RBM12: variants seen among roughly 807,000 people sequenced by gnomAD.
RBM12 encodes the protein RNA binding motif protein 12.
In RBM12, 24 loss-of-function variants were observed where a neutral mutation model predicts 37.2. The observed-to-expected ratio is 0.65, with a 90% CI of 0.47 to 0.91. RBM12 has a LOEUF of 0.91. Among genes scored for constraint, RBM12 ranks in the 40% least tolerant of loss-of-function variants. The pLI is 0.00. For synonymous variants in RBM12, 420 were observed against 425.2 expected (o/e 0.99, Z 0.15); for missense variants, 1,061 against 1,183.2 (o/e 0.90, Z 1.52).
intron 1 of RBM12, among the ~76,000 whole-genome samples, chr20:35,661,112 C>T (rs2034209155): frequency 6.6e-6 from 1 of 152,138 alleles, no homozygotes; most frequent in Non-Finnish European, 1.5e-5. Context: ...AAGAGGAATA[C>T]CCACCCCACC....
intron 2 of RBM12, 80 bp downstream of exon 2, chr20:35,658,850 T>C (rs989287625): frequency 9.2e-5 from 63 of 688,270 alleles, no homozygotes; most frequent in Non-Finnish European, 1.6e-4. Context: ...ATATAGTTGC[T>C]ACATATATTT....
At position 35,653,458 on chromosome 20, in the gene RBM12, T is replaced by C. The variant is rs1294979016; in HGVS notation, c.1865A>G (p.Glu622Gly). ...ATTTTTCTCAATCTCTCTCATATCT[T>C]CTAGGGTAACTACATGAACAAAAGC... The part of the protein sequence containing the change: ...REAFVHVVTL[E>G]DMREIEKNPP... The change falls in exon 3 of 3, where the codon GAA (glutamate) becomes GGA (glycine). Residue 622 changes from glutamate (E) to glycine (G), a missense_variant. This residue lies in a region of RBM12 where 517 missense variants were observed against 534.0 expected (regional missense o/e 0.97). Coordinates refer to ENST00000374114, the MANE Select transcript of RBM12 (RefSeq NM_006047.6). 6.2e-7 allele frequency: 1 copy of C among 1,614,176 alleles called. No individual in the cohort carries two copies. The highest frequency in any genetic ancestry group is 8.5e-7 in the Non-Finnish European group (1 of 1,180,016).
Position 35,652,333 on chromosome 20 carries a change from A to G in RBM12, c.*191T>C, listed in dbSNP as rs934937485. ...TGTTCTCTCCAGATAGCTTTACTGTAACATACAGCAATGTTTATCCTGGTG... is the reference window on the plus strand; with the variant it reads ...TGTTCTCTCCAGATAGCTTTACTGTGACATACAGCAATGTTTATCCTGGTG... On this transcript the variant is annotated 3_prime_UTR_variant, in exon 3 of 3. Coordinates refer to ENST00000374114, the MANE Select transcript of RBM12 (RefSeq NM_006047.6). The G allele has an allele frequency of 9.7e-6, 6 of 620,316 alleles. No homozygotes were observed. The East Asian group carries it at 1.4e-4, about 15-fold the overall frequency. 38.4% of individuals were successfully genotyped at this position (620,316 alleles called of 1,614,324 possible).
intron 2 of RBM12, among the ~76,000 whole-genome samples, chr20:35,656,332 T>C (rs1172021659): frequency 6.6e-6 from 1 of 152,242 alleles, no homozygotes; most frequent in Non-Finnish European, 1.5e-5. Context: ...CCTTAGATCA[T>C]GCCTGTTTTG....
Position 35,653,395 on chromosome 20 carries a change from A to C in RBM12, c.1928T>G (p.Val643Gly), listed in dbSNP as rs2033677036. 1 of 1,614,046 alleles carries C rather than the reference A, an allele frequency of 6.2e-7. No individual in the cohort carries two copies. The change falls in exon 3 of 3, where the codon GTG becomes GGG. Residue 643 changes from valine to glycine, a missense_variant. Transcript: ENST00000374114. ...TCCTGGAACTGCAGGATTACCTGGC[A>C]CAGGCATCTTTAATCCCTTTTTTCC... ...AQGKKGLKMPVPGNPAVPGMP... is the reference protein window; with the variant it reads ...AQGKKGLKMPGPGNPAVPGMP...
chr20:35,656,570 T>C (rs2033908550), intron 2 of RBM12, among the ~76,000 whole-genome samples: 1 of 152,228 alleles, frequency 6.6e-6, no homozygotes, highest in Admixed American at 6.5e-5. Flanking sequence ...GTTTCACTCT[T>C]GTAGCCCAGG....
chr20:35,659,868 G>C (rs1374489982), intron 1 of RBM12, among the ~76,000 whole-genome samples: 1 of 151,646 alleles, frequency 6.6e-6, no homozygotes, highest in African/African-American at 2.4e-5. Flanking sequence ...TTTTTCAAAG[G>C]TCATGTTTTA....
At chr20:35,662,545 C>T (rs1215781482) in intron 1 of RBM12, among the ~76,000 whole-genome samples, 1 of 152,218 alleles carries the variant, frequency 6.6e-6, no homozygotes. Flanking sequence ...CATCATCAGT[C>T]TCTGCATTTT....
chr20:35,652,811 T>A lies in RBM12; in HGVS notation c.2512A>T (p.Ile838Phe), dbSNP rs371961881. The part of the protein sequence containing the change: ...GPGPGPGPGP[I>F]HIGGPPGFAS... ...AAGCCAGGGGGACCACCAATATGGA[T>A]TGGGCCAGGGCCGGGGCCGGGGCCG... Residue 838 changes from isoleucine to phenylalanine, a missense_variant, in exon 3 of 3, where the codon ATC (isoleucine) becomes TTC (phenylalanine). Physicochemically the swap from Ile to Phe is conservative, Grantham distance 21. Coordinates refer to ENST00000374114, the MANE Select transcript of RBM12 (RefSeq NM_006047.6). 6.3e-7 allele frequency: 1 copy of A among 1,590,094 alleles called. No homozygotes were observed. The highest frequency in any genetic ancestry group is 2.2e-5 in the East Asian group (1 of 44,848).
At position 35,652,824 on chromosome 20, in the gene RBM12, G is replaced by A. The variant is rs191138663; in HGVS notation, c.2499C>T (p.Pro833=). ...CACCAATATGGATTGGGCCAGGGCCGGGGCCGGGGCCGGGGCCAGGCCCAA... is the reference window on the plus strand; with the variant it reads ...CACCAATATGGATTGGGCCAGGGCCAGGGCCGGGGCCGGGGCCAGGCCCAA... ...PAFGPGPGPG[P]GPGPIHIGGP... The change falls in exon 3 of 3, where the codon CCC becomes CCT. Residue 833 remains proline, a synonymous_variant. Coordinates refer to ENST00000374114, the MANE Select transcript of RBM12 (RefSeq NM_006047.6). 65 of 1,593,554 alleles carry A rather than the reference G, an allele frequency of 4.1e-5. No individual in the cohort carries two copies. The highest frequency in any genetic ancestry group is 2.7e-4 in the Admixed American group (15 of 55,416).
At chr20:35,656,502 G>C (rs2033904581) in intron 2 of RBM12, among the ~76,000 whole-genome samples, 1 of 152,150 alleles carries the variant, frequency 6.6e-6, no homozygotes, top group African/African-American at 2.4e-5. Context: ...ATAACATAGG[G>C]TGTTTTCCAA....
chr20:35,656,693 CCTGG>C (rs2146360847), intron 2 of RBM12, among the ~76,000 whole-genome samples: 1 of 152,274 alleles, frequency 6.6e-6, no homozygotes, highest in South Asian at 2.1e-4. Context: ...CGCCACCATG[CCTGG>C]CTAAGTGTTT....
rs1323886516 is a variant in RBM12 at position 35,651,693 on chromosome 20, G to A, written c.*831C>T. 6.6e-6 allele frequency: 1 copy of A among 152,502 alleles called. No individual in the cohort carries two copies. The highest frequency in any genetic ancestry group is 1.5e-5 in the Non-Finnish European group (1 of 68,020). The allele number at this position is 152,502 out of a possible 1,614,324, so 9.4% of individuals were successfully genotyped here. A position where few individuals can be genotyped will look rare whatever the true frequency, so the allele number is the denominator to read the frequency against. On this transcript the variant is annotated 3_prime_UTR_variant, in exon 3 of 3. Coordinates refer to ENST00000374114, the MANE Select transcript of RBM12 (RefSeq NM_006047.6). The stretch of plus-strand genomic sequence containing the variant: ...TTATTAAAAGTGGTTTCTGGTTTTC[G>A]ATACCATCCAAACAACATGAACAAT...
chr20:35,653,803 T>G lies in RBM12; in HGVS notation c.1520A>C (p.Lys507Thr). The change falls in exon 3 of 3, where the codon AAG becomes ACG. Residue 507 changes from lysine to threonine, a missense_variant. Physicochemically the swap from Lys to Thr is moderately conservative, Grantham distance 78. This residue lies in a region of RBM12 where 517 missense variants were observed against 534.0 expected (regional missense o/e 0.97). Coordinates refer to ENST00000374114, the MANE Select transcript of RBM12 (RefSeq NM_006047.6). The stretch of plus-strand genomic sequence containing the variant: ...ATCTATCTTTTCTAGCATACCTTTC[T>G]TAGTAATTGGATGAACTTGAATAAA... ...NRFIQVHPIT[K>T]KGMLEKIDMI... is the part of the protein sequence containing the mutation. 6.2e-7 allele frequency: 1 copy of G among 1,613,958 alleles called. No individual in the cohort carries two copies. The highest frequency in any genetic ancestry group is 1.1e-5 in the South Asian group (1 of 91,090).
Position 35,654,558 on chromosome 20 carries a change from T to C in RBM12, c.765A>G (p.Leu255=), listed in dbSNP as rs760811574. The C allele has an allele frequency of 1.4e-5, 23 of 1,614,076 alleles. No individual in the cohort carries two copies. Among genetic ancestry groups the C allele is most frequent in the South Asian group, 2.2e-5 (2 of 91,072 alleles). ...PPLNPPPVAP[L]PAGMNGSGAP... The stretch of plus-strand genomic sequence containing the variant: ...CTCCAGAGCCATTCATTCCAGCAGG[T>C]AGAGGTGCCACAGGTGGCGGATTCA... Residue 255 remains leucine (L), a synonymous_variant, in exon 3 of 3, where the codon CTA becomes CTG. Transcript: ENST00000374114.
intron 1 of RBM12, among the ~76,000 whole-genome samples, chr20:35,660,465 C>G (rs933650392): frequency 6.6e-6 from 1 of 152,114 alleles, no homozygotes; most frequent in Non-Finnish European, 1.5e-5. Context: ...GTGATCCACC[C>G]GCCTCAGCCT....
rs1449096304 is a variant in RBM12 at position 35,649,001 on chromosome 20, T to TTA, written c.*3521_*3522dup. On this transcript the variant is annotated 3_prime_UTR_variant, in exon 3 of 3. Transcript: ENST00000374114. ...TTGAACAGTATTCAAGACTTCATCT[T>TTA]TATAAACAAAAACCTCTGCTGAGTG... is the stretch of plus-strand genomic sequence containing the variant. 1 of 152,670 alleles carries TTA rather than the reference T, an allele frequency of 6.6e-6. No individual in the cohort carries two copies. Among genetic ancestry groups the TTA allele is most frequent in the Non-Finnish European group, 1.5e-5 (1 of 68,040 alleles). 9.5% of individuals were successfully genotyped at this position (152,670 alleles called of 1,614,324 possible).
Position 35,652,727 on chromosome 20 carries a change from T to C in RBM12, c.2596A>G (p.Thr866Ala). ...TVIKVQNMPFTVSIDEILDFF... is the reference protein window; with the variant it reads ...TVIKVQNMPFAVSIDEILDFF... ...TCTAAAATCTCATCAATAGACACAG[T>C]AAAGGGCATGTTTTGCACTTTAATT... The change falls in exon 3 of 3, where the codon ACT becomes GCT. Residue 866 changes from threonine (T) to alanine (A), a missense_variant. Thr to Ala is a moderately conservative substitution (Grantham distance 58, BLOSUM62 0). Transcript: ENST00000374114. 6.2e-7 allele frequency: 1 copy of C among 1,614,056 alleles called. No individual in the cohort carries two copies. Among genetic ancestry groups the C allele is most frequent in the Non-Finnish European group, 8.5e-7 (1 of 1,179,952 alleles).
intron 2 of RBM12, among the ~76,000 whole-genome samples, chr20:35,657,546 C>G (rs1299838997): frequency 6.6e-6 from 1 of 152,082 alleles, no homozygotes; most frequent in African/African-American, 2.4e-5. Context: ...AAATTAAACA[C>G]AGGGCTAAAG....
Sources: allele counts gnomAD v4.1 joint callset (sites outside exome capture counted in the v4.1 genomes callset), GRCh38; gene constraint gnomAD v4.1.1; regional missense constraint gnomAD v4.1.1; transcripts MANE v1.5; gene names NCBI Gene and HGNC (gene_info 2026-07-23, HGNC 2026-07-21).